The following KCTD8 variants were observed in gnomAD, a reference collection of about 807,000 sequenced individuals.
KCTD8 encodes the protein potassium channel tetramerization domain containing 8, also known as BTB/POZ domain-containing protein KCTD8.
KCTD8 carries 27 observed loss-of-function variants against 31.5 expected under a neutral mutation model. The observed-to-expected ratio is 0.86, with a 90% CI of 0.63 to 1.18. The LOEUF (loss-of-function observed/expected upper bound fraction) is 1.18, where lower values mean the gene tolerates loss of function less well. KCTD8 is among the 50% of genes most tolerant of loss of function. KCTD8 has a pLI of 0.00. For synonymous variants in KCTD8, 290 were observed against 280.0 expected, an observed-to-expected ratio of 1.04 and a Z score of -0.36; for missense variants, 658 against 647.7, an observed-to-expected ratio of 1.02 and a Z score of -0.17.
intron 1 of KCTD8, among the ~76,000 whole-genome samples, chr4:44,419,953 G>A (rs1332056298): frequency 1.3e-5 from 2 of 152,024 alleles, no homozygotes; most frequent in Non-Finnish European, 2.9e-5. Flanking sequence ...TGGGAGTGGA[G>A]TAGAAAGTTA....
intron 1 of KCTD8, among the ~76,000 whole-genome samples, chr4:44,430,708 A>C (rs1721482566): frequency 6.6e-6 from 1 of 151,600 alleles, no homozygotes; most frequent in African/African-American, 2.4e-5. Flanking sequence ...GGATTTGGCT[A>C]TGACCTTAAT....
intron 1 of KCTD8, among the ~76,000 whole-genome samples, chr4:44,318,553 A>G (rs983173337): frequency 6.6e-6 from 1 of 152,216 alleles, no homozygotes; most frequent in Non-Finnish European, 1.5e-5. Context: ...TTCAAGTCAG[A>G]TGTGGGTAGA....
At chr4:44,347,451 AC>A (rs1719063539) in intron 1 of KCTD8, among the ~76,000 whole-genome samples, 1 of 152,208 alleles carries the variant, frequency 6.6e-6, no homozygotes, top group Admixed American at 6.5e-5. Flanking sequence ...GCCAATGGCT[AC>A]TGGTCAGTGG....
At chr4:44,271,976 G>C (rs1286924939) in intron 1 of KCTD8, among the ~76,000 whole-genome samples, 2 of 151,810 alleles carry the variant, frequency 1.3e-5, no homozygotes, top group Non-Finnish European at 2.9e-5. Context: ...GCTAGTCTTG[G>C]CATGTGATCC....
At chr4:44,189,777 A>C (rs1456098277) in intron 1 of KCTD8, among the ~76,000 whole-genome samples, 1 of 152,182 alleles carries the variant, frequency 6.6e-6, no homozygotes, top group African/African-American at 2.4e-5. Context: ...CTAAACTTCA[A>C]AAAAATCATG....
intron 1 of KCTD8, among the ~76,000 whole-genome samples, chr4:44,276,198 T>C (rs998521412): frequency 6.6e-6 from 1 of 152,028 alleles, no homozygotes; most frequent in South Asian, 2.1e-4. Flanking sequence ...CATGTATGGA[T>C]TATTCTAAAC....
rs535127435 is a variant in KCTD8 at position 44,269,197 on chromosome 4, G to T, written c.962-93947C>A. On this transcript the variant is annotated intron_variant, in intron 1 of 1. Coordinates refer to ENST00000360029, the MANE Select transcript of KCTD8 (RefSeq NM_198353.3). ...GGTACTGATACCAAAACAGAGATAT[G>T]ATCAATGGAACAGAACAGAGCCCTC... Among the ~76,000 whole-genome samples the T allele has an allele frequency of 2.0e-5, 3 of 152,088 alleles. No individual in the cohort carries two copies. The East Asian group carries it at 5.8e-4, about 29-fold the overall frequency.
chr4:44,305,739 T>A (rs907450118), intron 1 of KCTD8, among the ~76,000 whole-genome samples: 1 of 151,790 alleles, frequency 6.6e-6, no homozygotes, highest in South Asian at 2.1e-4. Flanking sequence ...ATGTTTACAA[T>A]TTTTTACCCC....
intron 1 of KCTD8, among the ~76,000 whole-genome samples, chr4:44,258,437 A>C (rs1319948616): frequency 6.6e-6 from 1 of 151,990 alleles, no homozygotes; most frequent in Non-Finnish European, 1.5e-5. Context: ...GAGTTTAACT[A>C]ATTCATGTAT....
intron 1 of KCTD8, among the ~76,000 whole-genome samples, chr4:44,340,910 G>C (rs1157030059): frequency 1.3e-5 from 2 of 151,666 alleles, no homozygotes; most frequent in Non-Finnish European, 2.9e-5. Flanking sequence ...CATTGTGATA[G>C]GATTGTATAT....
intron 1 of KCTD8, among the ~76,000 whole-genome samples, chr4:44,401,573 A>T (rs1321644399): frequency 6.6e-6 from 1 of 152,204 alleles, no homozygotes; most frequent in Non-Finnish European, 1.5e-5. Context: ...TGGCCCCAGA[A>T]GTTAGAAAGA....
chr4:44,312,124 A>G (rs1717970948), intron 1 of KCTD8, among the ~76,000 whole-genome samples: 2 of 152,112 alleles, frequency 1.3e-5, no homozygotes, highest in Admixed American at 1.3e-4. Flanking sequence ...TTAGATTTCT[A>G]AGTAAAAAAT....
rs765968801 is a variant in KCTD8, at chr4:44,447,591, C to T, written c.933G>A (p.Trp311Ter). 3 of 1,598,694 alleles carry T rather than the reference C, an allele frequency of 1.9e-6. No homozygotes were observed. Among genetic ancestry groups the T allele is most frequent in the Non-Finnish European group, 1.7e-6 (2 of 1,172,452 alleles). The change falls in exon 1 of 2, where the codon TGG becomes TGA. Residue 311 changes from tryptophan to a stop codon, truncating the protein, a stop_gained. Coordinates refer to ENST00000360029, the MANE Select transcript of KCTD8 (RefSeq NM_198353.3). LOFTEE classifies it high-confidence loss of function. Reference protein sequence around the residue: ...FVNQYRDDKIWSSYTEYIFFR... With the variant: ...FVNQYRDDKI ...AGAAAATGTACTCGGTGTAGCTGCT[C>T]CAGATCTTGTCGTCGCGGTACTGGT... is the stretch of plus-strand genomic sequence containing the variant.
intron 1 of KCTD8, among the ~76,000 whole-genome samples, chr4:44,284,796 C>G (rs1045399698): frequency 1.3e-5 from 2 of 151,980 alleles, no homozygotes; most frequent in South Asian, 2.1e-4. Flanking sequence ...ACAGCCCCAT[C>G]AAAAAATGGG....
intron 1 of KCTD8, among the ~76,000 whole-genome samples, chr4:44,365,552 GAAAACAGTC>G (rs1300431005): frequency 6.6e-6 from 1 of 152,084 alleles, no homozygotes; most frequent in African/African-American, 2.4e-5. Flanking sequence ...CAAGGTAAAT[GAAAACAGTC>G]AAAAGGTATC....
intron 1 of KCTD8, among the ~76,000 whole-genome samples, chr4:44,432,440 C>T (rs1721528120): frequency 6.6e-6 from 1 of 151,564 alleles, no homozygotes; most frequent in African/African-American, 2.4e-5. Context: ...TGTTCTAAAA[C>T]AATATGGGAA....
chr4:44,213,218 G>T (rs1036480125), intron 1 of KCTD8, among the ~76,000 whole-genome samples: 1 of 152,146 alleles, frequency 6.6e-6, no homozygotes, highest in Non-Finnish European at 1.5e-5. Flanking sequence ...ATACAGGCAT[G>T]AGCCACCGTG....
intron 1 of KCTD8, among the ~76,000 whole-genome samples, chr4:44,330,191 A>AGT (rs1718559682): frequency 6.6e-6 from 1 of 151,970 alleles, no homozygotes; most frequent in Non-Finnish European, 1.5e-5. Flanking sequence ...TATAGTCATC[A>AGT]GTAATATGTT....
chr4:44,352,702 AT>A, intron 1 of KCTD8, among the ~76,000 whole-genome samples: 1 of 151,842 alleles, frequency 6.6e-6, no homozygotes, highest in Non-Finnish European at 1.5e-5. Context: ...GTAGATATTC[AT>A]TGTATCCATC....
Sources: gnomAD v4.1 joint callset for allele counts (sites outside exome capture counted in the v4.1 genomes callset) on GRCh38, gnomAD v4.1.1 for gene constraint, MANE v1.5 for transcripts, NCBI Gene and HGNC (gene_info 2026-07-23, HGNC 2026-07-21) for gene names.